Variants in SCN1A observed in about 807,000 individuals in gnomAD.
SCN1A encodes sodium voltage-gated channel alpha subunit 1.
SCN1A carries 13 observed loss-of-function variants against 193.7 expected under a neutral mutation model. The ratio of observed to expected loss-of-function variants is 0.07; its 90% CI spans 0.04 to 0.11. SCN1A has a LOEUF of 0.11. Ranked by LOEUF, SCN1A falls within the 10% of genes least tolerant of loss-of-function variation. The pLI, the probability that SCN1A is intolerant of heterozygous loss-of-function variation, is 1.00. For synonymous variants in SCN1A, 781 were observed against 843.6 expected, an observed-to-expected ratio of 0.93 and a Z score of 1.29; for missense variants, 1,432 against 2,451.1, an observed-to-expected ratio of 0.58 and a Z score of 8.78.
At chr2:166,064,131 T>C (rs1171253440) in intron 4 of SCN1A, among the ~76,000 whole-genome samples, 1 of 152,150 alleles carries the variant, frequency 6.6e-6, no homozygotes, top group African/African-American at 2.4e-5. Flanking sequence ...TTGTTTTATC[T>C]TATGTTAAGG....
chr2:166,127,632 A>AG (rs1691401344), intron 1 of SCN1A, 139 bp downstream of exon 1: 1 of 150,396 alleles, frequency 6.6e-6, no homozygotes, highest in African/African-American at 2.5e-5. Context: ...GAGAGGGAGG[A>AG]GGGGGACAGT....
chr2:166,005,917 C>CT (rs899995663), intron 23 of SCN1A, among the ~76,000 whole-genome samples: 68 of 150,996 alleles, frequency 4.5e-4, no homozygotes, highest in African/African-American at 1.6e-3. Flanking sequence ...TTCTCAGAAG[C>CT]TTTTTTTTCA....
chr2:166,103,162 G>A (rs1688302864), intron 2 of SCN1A, among the ~76,000 whole-genome samples: 1 of 151,930 alleles, frequency 6.6e-6, no homozygotes, highest in South Asian at 2.1e-4. Flanking sequence ...ATAATATTGA[G>A]GAAGTAGGCT....
chr2:165,992,379 A>G lies in SCN1A; in HGVS notation c.4896T>C (p.Pro1632=), dbSNP rs1689370353. The change falls in exon 29 of 29, where the codon CCT becomes CCC. Residue 1632 remains proline, a synonymous_variant. Transcript: ENST00000674923. The surrounding 1 kb of genome is among the most constrained non-coding windows in gnomAD (Gnocchi z 6.5). ...AELIEKYFVS[P]TLFRVIRLAR... is the part of the protein sequence containing the mutation. ...CAAGACGGATCACTCGGAACAGGGT[A>G]GGGGACACGAAATACTTTTCTATCA... is the stretch of plus-strand genomic sequence containing the variant. 2 of 1,613,584 alleles carry G rather than the reference A, an allele frequency of 1.2e-6. No homozygotes were observed. Among genetic ancestry groups the G allele is most frequent in the African/African-American group, 2.7e-5 (2 of 74,860 alleles).
At chr2:166,009,182 C>T (rs888490552) in intron 23 of SCN1A, among the ~76,000 whole-genome samples, 1 of 150,910 alleles carries the variant, frequency 6.6e-6, no homozygotes, top group East Asian at 1.9e-4. Flanking sequence ...TTTATAAATT[C>T]AGTCAACACT....
intron 20 of SCN1A, among the ~76,000 whole-genome samples, chr2:166,014,543 C>T (rs528209738): frequency 1.5e-4 from 22 of 145,264 alleles, no homozygotes; most frequent in African/African-American, 5.6e-4. Flanking sequence ...AAAAAGGCAC[C>T]GAACATGTAC....
At chr2:166,073,709 T>A in intron 3 of SCN1A, 39 bp from the exon 4 acceptor site, 6 of 1,313,908 alleles carry the variant, frequency 4.6e-6, no homozygotes, top group Non-Finnish European at 3.2e-6. Context: ...AAGAGTGGAC[T>A]AAGAGATGTT....
chr2:166,079,121 T>A (rs974107280), intron 2 of SCN1A, among the ~76,000 whole-genome samples: 1 of 151,660 alleles, frequency 6.6e-6, no homozygotes, highest in Non-Finnish European at 1.5e-5. Flanking sequence ...ATTATATTGA[T>A]CTTATTTCTT....
intron 2 of SCN1A, among the ~76,000 whole-genome samples, chr2:166,096,516 G>A (rs144673714): frequency 0.011 from 1,664 of 152,116 alleles, 18 homozygotes; most frequent in Middle Eastern, 0.017. Context: ...TCCTGACCTC[G>A]TGATCCACCC....
chr2:166,133,665 TTTC>T (rs1212044749), intron 1 of SCN1A, among the ~76,000 whole-genome samples: 4 of 152,212 alleles, frequency 2.6e-5, no homozygotes, highest in African/African-American at 9.6e-5. Context: ...TTTTTGATCT[TTTC>T]TTCTTTAGCT....
chr2:166,129,235 A>C (rs1691535434), upstream of SCN1A, among the ~76,000 whole-genome samples: 1 of 152,152 alleles, frequency 6.6e-6, no homozygotes, highest in South Asian at 2.1e-4. Flanking sequence ...CAAAGCAATA[A>C]AACTAAGGCT....
rs2105874226 is a variant in SCN1A at position 166,048,911 on chromosome 2, G to A, written c.1003C>T (p.Leu335=). 1 of 1,606,360 alleles carries A rather than the reference G, an allele frequency of 6.2e-7. No homozygotes were observed. Among genetic ancestry groups the A allele is most frequent in the Non-Finnish European group, 8.5e-7 (1 of 1,173,640 alleles). The change falls in exon 10 of 29, where the codon CTA becomes TTA. Residue 335 remains leucine (L), a synonymous_variant. Coordinates refer to ENST00000674923, the MANE Select transcript of SCN1A (RefSeq NM_001165963.4). ...YFLEGFLDAL[L]CGNSSDAGQC... is the part of the protein sequence containing the mutation. ...CCTGCATCAGAGCTATTTCCACATA[G>A]TAGTGCATCTAAAAAACCCTCCAGG...
chr2:166,033,178 C>T (rs1695860686), intron 19 of SCN1A, among the ~76,000 whole-genome samples: 1 of 151,978 alleles, frequency 6.6e-6, no homozygotes, highest in Non-Finnish European at 1.5e-5. Flanking sequence ...TCTCTGGGAA[C>T]CAAAAAAGAA....
At chr2:166,044,707 A>G (rs1697584991) in intron 13 of SCN1A, among the ~76,000 whole-genome samples, 1 of 110,648 alleles carries the variant, frequency 9.0e-6, no homozygotes. Flanking sequence ...CTGATCGACT[A>G]TCCGGAGTTC....
intron 19 of SCN1A, among the ~76,000 whole-genome samples, chr2:166,018,281 T>G (rs1693584081): frequency 6.6e-6 from 1 of 152,066 alleles, no homozygotes; most frequent in African/African-American, 2.4e-5. Context: ...GTGAAACCAC[T>G]TATTCACTTT....
Position 166,043,870 on chromosome 2 carries a change from G to C in SCN1A, c.1842C>G (p.His614Gln). The part of the protein sequence containing the change: ...RRDSLFVPRR[H>Q]GERRNSNLSQ... ...TCAGGTTGCTGTTGCGTCTCTCTCC[G>C]TGTCGTCGGGGCACAAACAAGGAAT... The change falls in exon 14 of 29, where the codon CAC (histidine) becomes CAG (glutamine). Residue 614 changes from histidine (H) to glutamine (Q), a missense_variant. By Grantham distance (24) the His-to-Gln change is conservative. Coordinates refer to ENST00000674923, the MANE Select transcript of SCN1A (RefSeq NM_001165963.4). 1 of 1,614,152 alleles carries C rather than the reference G, an allele frequency of 6.2e-7. No homozygotes were observed. The highest frequency in any genetic ancestry group is 8.5e-7 in the Non-Finnish European group (1 of 1,180,022).
chr2:166,078,275 T>C (rs1685170229), intron 2 of SCN1A, among the ~76,000 whole-genome samples: 2 of 151,710 alleles, frequency 1.3e-5, no homozygotes. Context: ...TTCTAATACA[T>C]ATAATATAGC....
intron 2 of SCN1A, among the ~76,000 whole-genome samples, chr2:166,110,742 C>T (rs551651089): frequency 6.6e-6 from 1 of 152,260 alleles, no homozygotes; most frequent in African/African-American, 2.4e-5. Context: ...ATGTCCCCAC[C>T]CAAATCTCAT....
chr2:166,058,472 T>C (rs758431265), intron 5 of SCN1A, 98 bp downstream of exon 5: 9 of 712,254 alleles, frequency 1.3e-5, no homozygotes, highest in African/African-American at 1.8e-5. Context: ...ATGAAAACTA[T>C]ATAATATGGA....
Sources: gnomAD v4.1 joint callset for allele counts (sites outside exome capture counted in the v4.1 genomes callset) on GRCh38, gnomAD v4.1.1 for gene constraint, Gnocchi (gnomAD v3.1) non-coding constraint, MANE v1.5 for transcripts, NCBI Gene and HGNC (gene_info 2026-07-23, HGNC 2026-07-21) for gene names.